The following ZNF883 variants were observed in gnomAD, a reference collection of about 807,000 sequenced individuals.
ZNF883 encodes the protein zinc finger protein 883.
chr9:112,988,780 A>G (rs1284784680), intron 1 of ZNF883, among the ~76,000 whole-genome samples: 8 of 152,198 alleles, frequency 5.3e-5, no homozygotes. Flanking sequence ...CAACAGCGTG[A>G]AACTGTTCCT....
At chr9:113,009,467 C>T (rs1437669046) in intron 2 of ZNF883, among the ~76,000 whole-genome samples, 1 of 152,050 alleles carries the variant, frequency 6.6e-6, no homozygotes, top group East Asian at 1.9e-4. Flanking sequence ...GGAACTTAAT[C>T]TCCCTAATCC....
At chr9:113,012,081 T>C (rs1161821547) in intron 1 of ZNF883, 69 bp downstream of exon 1, 6 of 151,878 alleles carry the variant, frequency 4.0e-5, no homozygotes, top group African/African-American at 1.5e-4. Flanking sequence ...GCCCGAATGG[T>C]TGTGTTTGAA....
chr9:112,999,377 G>A (rs886378512), upstream of ZNF883, among the ~76,000 whole-genome samples: 1 of 152,252 alleles, frequency 6.6e-6, no homozygotes, highest in Non-Finnish European at 1.5e-5. Flanking sequence ...GTGTGCAAAT[G>A]TGTGGGGTTG....
intron 2 of ZNF883, among the ~76,000 whole-genome samples, chr9:113,003,880 T>A (rs896988441): frequency 1.3e-5 from 2 of 152,194 alleles, no homozygotes; most frequent in African/African-American, 4.8e-5. Context: ...AGACTTAATA[T>A]TGTAAAGATG....
chr9:112,995,539 TTCTC>T (rs1209472092), downstream of ZNF883, among the ~76,000 whole-genome samples: 1 of 151,472 alleles, frequency 6.6e-6, no homozygotes, highest in Non-Finnish European at 1.5e-5. Context: ...CTACTTTCCT[TTCTC>T]TCTCTCTCCA....
intron 1 of ZNF883, among the ~76,000 whole-genome samples, chr9:112,990,611 GA>G (rs1828293488): frequency 1.3e-5 from 2 of 152,168 alleles, no homozygotes; most frequent in African/African-American, 4.8e-5. Context: ...TTCATATCAG[GA>G]TGATGCTGGC....
chr9:112,999,432 T>C (rs781427583), upstream of ZNF883, among the ~76,000 whole-genome samples: 17 of 152,134 alleles, frequency 1.1e-4, no homozygotes, highest in Non-Finnish European at 2.2e-4. Context: ...ACCAACTAGA[T>C]ATCCTACAAT....
At chr9:112,989,652 T>C (rs1425088392) in intron 1 of ZNF883, among the ~76,000 whole-genome samples, 1 of 152,212 alleles carries the variant, frequency 6.6e-6, no homozygotes, top group African/African-American at 2.4e-5. Flanking sequence ...TCTAATTCTG[T>C]GAAGAATGTC....
chr9:112,991,948 T>C (rs569703056), intron 1 of ZNF883, among the ~76,000 whole-genome samples: 1 of 152,218 alleles, frequency 6.6e-6, no homozygotes, highest in Non-Finnish European at 1.5e-5. Context: ...TTTTCTGCCA[T>C]CCCTTTATTT....
chr9:113,002,879 C>G (rs1236864510), upstream of ZNF883, among the ~76,000 whole-genome samples: 2 of 152,142 alleles, frequency 1.3e-5, no homozygotes, highest in African/African-American at 4.8e-5. Context: ...TTGTTCCCTT[C>G]CATGTTTTCT....
intron 2 of ZNF883, among the ~76,000 whole-genome samples, chr9:113,006,590 A>G (rs1003160000): frequency 1.3e-5 from 2 of 152,132 alleles, no homozygotes; most frequent in African/African-American, 4.8e-5. Context: ...TATATCTGTA[A>G]CATGCTTCTA....
exon 1 of ZNF883, chr9:112,997,430 C>T (rs770334515): frequency 6.2e-7 from 1 of 1,614,022 alleles, no homozygotes; most frequent in Non-Finnish European, 8.5e-7. Context: ...AAGGTGTGTA[C>T]TTCGACTGAA....
At chr9:112,995,665 G>A (rs1274660228), downstream of ZNF883, among the ~76,000 whole-genome samples, 1 of 151,802 alleles carries the variant, frequency 6.6e-6, no homozygotes, top group Non-Finnish European at 1.5e-5. Flanking sequence ...AGTCACCAAT[G>A]TATATAGAAT....
At chr9:112,998,882 G>C (rs1369262720), upstream of ZNF883, 2 of 152,062 alleles carry the variant, frequency 1.3e-5, no homozygotes, top group Admixed American at 1.3e-4. Context: ...TTGGTTAAAT[G>C]TTTCCTCGAA....
intron 2 of ZNF883, among the ~76,000 whole-genome samples, chr9:113,010,034 C>T (rs1828517025): frequency 6.6e-6 from 1 of 152,186 alleles, no homozygotes; most frequent in Non-Finnish European, 1.5e-5. Context: ...AGTTGAGGAA[C>T]ATCTGTGTTT....
chr9:112,993,179 C>CT (rs1251107712), downstream of ZNF883, among the ~76,000 whole-genome samples: 5 of 152,258 alleles, frequency 3.3e-5, no homozygotes, highest in Non-Finnish European at 7.4e-5. Flanking sequence ...AGTGGGGTTA[C>CT]TTTTTTGTTG....
downstream of ZNF883, among the ~76,000 whole-genome samples, chr9:112,994,307 G>A (rs149846842): frequency 6.5e-4 from 98 of 151,820 alleles, no homozygotes; most frequent in Non-Finnish European, 9.4e-4. Flanking sequence ...CTCACTCTCC[G>A]TGCTTTTCCT....
chr9:113,010,675 A>G (rs1193242220), intron 2 of ZNF883, among the ~76,000 whole-genome samples: 2 of 152,136 alleles, frequency 1.3e-5, no homozygotes, highest in East Asian at 1.9e-4. Context: ...AATATATAAA[A>G]TTTTTATTTG....
chr9:113,006,673 T>G (rs1349159515), intron 2 of ZNF883, among the ~76,000 whole-genome samples: 1 of 152,188 alleles, frequency 6.6e-6, no homozygotes, highest in Non-Finnish European at 1.5e-5. Flanking sequence ...TCCATGAATC[T>G]GTCCAAATTA....
Sources: gnomAD v4.1 joint callset for allele counts (sites outside exome capture counted in the v4.1 genomes callset) on GRCh38, gnomAD v4.1.1 for gene constraint, MANE v1.5 for transcripts, NCBI Gene and HGNC (gene_info 2026-07-23, HGNC 2026-07-21) for gene names.